TLK1: variants seen among roughly 807,000 people sequenced by gnomAD.
The protein encoded by TLK1 is tousled like kinase 1, also known as serine/threonine-protein kinase tousled-like 1.
TLK1 carries 24 observed loss-of-function variants against 105.3 expected under a neutral mutation model. That is an observed-to-expected ratio of 0.23 (90% confidence interval 0.17 to 0.32). The LOEUF is 0.32. Ranked by LOEUF, TLK1 falls within the 10% of genes least tolerant of loss-of-function variation. The pLI is 1.00. For synonymous variants in TLK1, 321 were observed against 310.4 expected, an observed-to-expected ratio of 1.03 and a Z score of -0.36; for missense variants, 558 against 910.5, an observed-to-expected ratio of 0.61 and a Z score of 4.98.
At chr2:171,133,326 C>T (rs1304621173) in intron 1 of TLK1, among the ~76,000 whole-genome samples, 1 of 152,142 alleles carries the variant, frequency 6.6e-6, no homozygotes, top group Non-Finnish European at 1.5e-5. Flanking sequence ...AATTCAGGCG[C>T]AGGCTCATGT....
At chr2:171,065,880 AG>A (rs1687971252) in intron 3 of TLK1, among the ~76,000 whole-genome samples, 2 of 152,190 alleles carry the variant, frequency 1.3e-5, no homozygotes, top group African/African-American at 2.4e-5. Flanking sequence ...ACCAAATTCA[AG>A]GGTACTATAA....
chr2:171,065,293 G>C (rs1359191983), intron 3 of TLK1, among the ~76,000 whole-genome samples: 1 of 152,092 alleles, frequency 6.6e-6, no homozygotes, highest in Non-Finnish European at 1.5e-5. Flanking sequence ...TCTTCATTGG[G>C]CCTCACTGAA....
At chr2:171,005,292 G>A (rs113195463) in intron 18 of TLK1, among the ~76,000 whole-genome samples, 1 of 152,352 alleles carries the variant, frequency 6.6e-6, no homozygotes, top group African/African-American at 2.4e-5. Flanking sequence ...TAGGTATACT[G>A]AGGGGATGAC....
chr2:171,155,503 T>C (rs1692198007), intron 1 of TLK1: 1 of 152,272 alleles, frequency 6.6e-6, no homozygotes, highest in East Asian at 1.9e-4. Context: ...ACTACTGACT[T>C]GCAAGAACAT....
At chr2:171,094,359 T>A (rs750479305) in intron 2 of TLK1, among the ~76,000 whole-genome samples, 7 of 151,820 alleles carry the variant, frequency 4.6e-5, no homozygotes, top group Non-Finnish European at 7.4e-5. Context: ...GGATCTACTA[T>A]GAAAATAACT....
intron 1 of TLK1, among the ~76,000 whole-genome samples, chr2:171,199,439 G>T (rs1343805237): frequency 6.6e-6 from 1 of 152,094 alleles, no homozygotes; most frequent in Non-Finnish European, 1.5e-5. Context: ...CCTAAGCCTG[G>T]GAGATGGAGG....
intron 1 of TLK1, among the ~76,000 whole-genome samples, chr2:171,227,005 C>T (rs1367233244): frequency 6.6e-6 from 1 of 152,280 alleles, no homozygotes; most frequent in South Asian, 2.1e-4. Flanking sequence ...CATTTTGTAG[C>T]AGCAAAACAA....
At chr2:171,118,562 C>G (rs916539915) in intron 1 of TLK1, among the ~76,000 whole-genome samples, 1 of 152,096 alleles carries the variant, frequency 6.6e-6, no homozygotes, top group Non-Finnish European at 1.5e-5. Flanking sequence ...ATTAAACCAC[C>G]TTGAAAATTA....
chr2:171,013,987 T>A (rs1355460573), intron 13 of TLK1, among the ~76,000 whole-genome samples: 1 of 152,272 alleles, frequency 6.6e-6, no homozygotes, highest in Admixed American at 6.5e-5. Context: ...CAACATATAC[T>A]ATCTATGGCA....
intron 1 of TLK1, among the ~76,000 whole-genome samples, chr2:171,123,654 A>G (rs1690750019): frequency 6.6e-6 from 1 of 152,188 alleles, no homozygotes. Flanking sequence ...CAAAAATTAA[A>G]AAAATAAAAC....
chr2:171,178,990 G>A (rs942975767), intron 1 of TLK1, among the ~76,000 whole-genome samples: 3 of 152,146 alleles, frequency 2.0e-5, no homozygotes, highest in Admixed American at 2.0e-4. Context: ...GGGTTCTGAG[G>A]TAGCTTGCAC....
intron 1 of TLK1, among the ~76,000 whole-genome samples, chr2:171,142,472 A>G (rs973649845): frequency 1.3e-5 from 2 of 152,260 alleles, no homozygotes; most frequent in Non-Finnish European, 2.9e-5. Context: ...AAGTTAGTGT[A>G]TCTGCCTTAA....
At chr2:171,092,794 T>TA (rs1239701243) in intron 2 of TLK1, among the ~76,000 whole-genome samples, 2 of 152,104 alleles carry the variant, frequency 1.3e-5, no homozygotes, top group African/African-American at 4.8e-5. Flanking sequence ...AATGGAACCT[T>TA]ACACATGAGT....
chr2:171,008,160 T>C (rs540465996), intron 14 of TLK1, among the ~76,000 whole-genome samples: 35 of 152,222 alleles, frequency 2.3e-4, no homozygotes, highest in African/African-American at 8.4e-4. Flanking sequence ...TGAGATCAGA[T>C]ATAATATAGC....
intron 3 of TLK1, among the ~76,000 whole-genome samples, chr2:171,079,497 A>G (rs2105473218): frequency 6.6e-6 from 1 of 152,330 alleles, no homozygotes; most frequent in Non-Finnish European, 1.5e-5. Flanking sequence ...TTGGGCAGAG[A>G]CTAAAAGTTA....
intron 1 of TLK1, among the ~76,000 whole-genome samples, chr2:171,172,603 T>C (rs1439561086): frequency 6.6e-6 from 1 of 152,080 alleles, no homozygotes; most frequent in Non-Finnish European, 1.5e-5. Context: ...TTCTCCTCCG[T>C]GCTGTTCTTG....
intron 1 of TLK1, among the ~76,000 whole-genome samples, chr2:171,221,328 G>T (rs1470808286): frequency 6.6e-6 from 1 of 152,142 alleles, no homozygotes; most frequent in Non-Finnish European, 1.5e-5. Flanking sequence ...AACTAGATTT[G>T]GGGTCAGAGC....
At chr2:171,196,997 T>C (rs1338309110) in intron 1 of TLK1, among the ~76,000 whole-genome samples, 3 of 152,240 alleles carry the variant, frequency 2.0e-5, no homozygotes, top group Admixed American at 6.5e-5. Flanking sequence ...TTTGGGCCTT[T>C]AGTTGGACTA....
chr2:170,995,126 T>C (rs2105347929), intron 20 of TLK1, among the ~76,000 whole-genome samples: 1 of 152,072 alleles, frequency 6.6e-6, no homozygotes, highest in East Asian at 1.9e-4. Flanking sequence ...TTTAACAAAG[T>C]TTCAGAGATC....
Sources: allele counts gnomAD v4.1 joint callset (sites outside exome capture counted in the v4.1 genomes callset), GRCh38; gene constraint gnomAD v4.1.1; transcripts MANE v1.5; gene names NCBI Gene and HGNC (gene_info 2026-07-23, HGNC 2026-07-21).